The following ZCCHC24 variants were observed in gnomAD, a reference collection of about 807,000 sequenced individuals.
ZCCHC24 encodes zinc finger CCHC domain-containing protein 24.
Under a neutral mutation model 26.2 loss-of-function variants are expected in ZCCHC24, and 10 were observed. That is an observed-to-expected ratio of 0.38 (90% confidence interval 0.24 to 0.65). ZCCHC24 has a LOEUF of 0.65. Ranked by LOEUF, ZCCHC24 falls within the 30% of genes least tolerant of loss-of-function variation. The pLI is 0.54. For synonymous variants in ZCCHC24, 144 were observed against 147.1 expected (o/e 0.98, Z 0.15); for missense variants, 243 against 329.1 (o/e 0.74, Z 2.03).
At chr10:79,413,126 G>A (rs780974925) in intron 2 of ZCCHC24, among the ~76,000 whole-genome samples, 17 of 152,248 alleles carry the variant, frequency 1.1e-4, no homozygotes, top group Non-Finnish European at 2.2e-4. Flanking sequence ...TGGGTTCAGT[G>A]CTGAGGGGAC....
At chr10:79,417,129 G>C (rs558280076) in intron 2 of ZCCHC24, among the ~76,000 whole-genome samples, 1 of 152,298 alleles carries the variant, frequency 6.6e-6, no homozygotes, top group African/African-American at 2.4e-5. Flanking sequence ...AAAATACTAA[G>C]CCGTTTGTGC....
At chr10:79,395,852 T>TATC (rs1856539623) in intron 2 of ZCCHC24, among the ~76,000 whole-genome samples, 1 of 152,252 alleles carries the variant, frequency 6.6e-6, no homozygotes, top group Admixed American at 6.5e-5. Flanking sequence ...ATAATTCATG[T>TATC]ATCTTACAGT....
chr10:79,398,230 T>C (rs1354277205), intron 2 of ZCCHC24, among the ~76,000 whole-genome samples: 1 of 152,200 alleles, frequency 6.6e-6, no homozygotes. Context: ...CAGGGCCAGA[T>C]GCCTGCAATG....
chr10:79,444,062 T>A, intron 1 of ZCCHC24: 1 of 1,526,934 alleles, frequency 6.5e-7, no homozygotes, highest in Non-Finnish European at 8.8e-7. Context: ...TAGGCTTTCC[T>A]CCCCAACCCA....
At chr10:79,390,166 C>G (rs1856459782) in intron 3 of ZCCHC24, among the ~76,000 whole-genome samples, 1 of 152,192 alleles carries the variant, frequency 6.6e-6, no homozygotes, top group Non-Finnish European at 1.5e-5. Context: ...CCACTGTGCC[C>G]AGCTGCGATG....
At chr10:79,419,394 C>G (rs897495432) in intron 2 of ZCCHC24, among the ~76,000 whole-genome samples, 1 of 152,224 alleles carries the variant, frequency 6.6e-6, no homozygotes, top group African/African-American at 2.4e-5. Flanking sequence ...GCGAAGGACA[C>G]ACAGCTGGGA....
rs1856347250 is a variant in ZCCHC24, at chr10:79,383,339, C to A, written c.*3006G>T. On this transcript the variant is annotated 3_prime_UTR_variant, in exon 4 of 4. Coordinates refer to ENST00000372336, the MANE Select transcript of ZCCHC24 (RefSeq NM_153367.4). ...CCTCATCAGAATTATGTACCAACTT[C>A]ATATAATATTCTATGTAGACAATAT... 1 of 152,664 alleles carries A rather than the reference C, an allele frequency of 6.6e-6. No homozygotes were observed. Among genetic ancestry groups the A allele is most frequent in the Non-Finnish European group, 1.5e-5 (1 of 68,032 alleles). 9.5% of individuals were successfully genotyped at this position (152,664 alleles called of 1,614,324 possible). A position where few individuals can be genotyped will look rare whatever the true frequency, so the allele number is the denominator to read the frequency against.
Position 79,392,164 on chromosome 10 carries a change from G to T in ZCCHC24, c.612+2112C>A, listed in dbSNP as rs78789568. 2.6e-5 allele frequency among the ~76,000 whole-genome samples: 4 copies of T among 151,868 alleles called. No homozygotes were observed. The South Asian group carries it at 8.3e-4, about 32-fold the overall frequency. On this transcript the variant is annotated intron_variant, in intron 3 of 3. Coordinates refer to ENST00000372336, the MANE Select transcript of ZCCHC24 (RefSeq NM_153367.4). ...CAACCATCTGCCCTCTGGAGTGCTC[G>T]CCCAGCCAACCTTTGCCCCGTGGAC... is the stretch of plus-strand genomic sequence containing the variant.
At chr10:79,387,612 G>A (rs1011223097) in intron 3 of ZCCHC24, among the ~76,000 whole-genome samples, 1 of 131,970 alleles carries the variant, frequency 7.6e-6, no homozygotes. Context: ...GGGCCAGCCT[G>A]GGGCCACATG....
intron 1 of ZCCHC24, among the ~76,000 whole-genome samples, chr10:79,439,485 G>T (rs556237849): frequency 3.7e-4 from 56 of 152,268 alleles, no homozygotes; most frequent in African/African-American, 1.3e-3. Flanking sequence ...TAACTAAGCA[G>T]CTAGCATGTC....
intron 1 of ZCCHC24, among the ~76,000 whole-genome samples, chr10:79,437,530 C>T (rs193005169): frequency 3.3e-5 from 5 of 152,334 alleles, no homozygotes; most frequent in East Asian, 3.9e-4. Context: ...GCAGCCAGCA[C>T]GTGTTGCCCT....
intron 2 of ZCCHC24, among the ~76,000 whole-genome samples, chr10:79,430,686 C>CCACACA (rs71030975): frequency 3.2e-4 from 45 of 140,700 alleles, no homozygotes; most frequent in African/African-American, 7.7e-4. Context: ...CACACACACA[C>CCACACA]CACACACACA....
intron 1 of ZCCHC24, among the ~76,000 whole-genome samples, chr10:79,443,027 G>T (rs976091933): frequency 4.7e-4 from 71 of 152,254 alleles, no homozygotes; most frequent in African/African-American, 1.7e-3. Context: ...TGTTTGAACA[G>T]GTCTCAAATA....
chr10:79,437,222 T>G (rs1025542470), intron 1 of ZCCHC24, among the ~76,000 whole-genome samples: 29 of 151,774 alleles, frequency 1.9e-4, no homozygotes, highest in Admixed American at 1.6e-3. Context: ...TGATTTTTTG[T>G]ATTTATTATT....
chr10:79,428,498 C>T (rs1857077482), intron 2 of ZCCHC24, among the ~76,000 whole-genome samples: 1 of 100,430 alleles, frequency 1.0e-5, no homozygotes, highest in Non-Finnish European at 2.1e-5. Flanking sequence ...ATAAAAAGAG[C>T]TCTGTGGCTG....
chr10:79,427,736 A>G (rs1857053485), intron 2 of ZCCHC24, among the ~76,000 whole-genome samples: 1 of 152,194 alleles, frequency 6.6e-6, no homozygotes, highest in South Asian at 2.1e-4. Flanking sequence ...AGAAGGGGCC[A>G]GACACAATGG....
In ZCCHC24 at chr10:79,432,678, G is replaced by C. The variant is rs202062885; in HGVS notation, c.327C>G (p.Thr109=). The C allele has an allele frequency of 6.2e-7, 1 of 1,609,178 alleles. No individual in the cohort carries two copies. The highest frequency in any genetic ancestry group is 1.1e-5 in the South Asian group (1 of 90,484). Residue 109 remains threonine, a synonymous_variant, in exon 2 of 4, where the codon ACC becomes ACG. Coordinates refer to ENST00000372336, the MANE Select transcript of ZCCHC24 (RefSeq NM_153367.4). Reference sequence around the variant, plus strand: ...TGAGGGTCAGGTCTGAGAAGTGCTCGGTGAGGGAGCTGAGGCCATCGGCGA... The same window carrying C: ...TGAGGGTCAGGTCTGAGAAGTGCTCCGTGAGGGAGCTGAGGCCATCGGCGA... ...NNIADGLSSL[T]EHFSDLTLTS...
rs78783506 is a variant in ZCCHC24, at chr10:79,432,506, C to T, written c.447+52G>A. The stretch of plus-strand genomic sequence containing the variant: ...CCTGCCCTACCCACAGGAGCCTGTC[C>T]GCAGGTCAGTAGGGGAGCCCAAGAG... On this transcript the variant is annotated intron_variant, in intron 2 of 3. Coordinates refer to ENST00000372336, the MANE Select transcript of ZCCHC24 (RefSeq NM_153367.4). 5.5e-3 allele frequency: 8,542 copies of T among 1,562,928 alleles called. 377 individuals are homozygous for T. The African/African-American group carries it at 0.1, about 19-fold the overall frequency.
At chr10:79,389,529 AGTGTGT>A (rs5786399) in intron 3 of ZCCHC24, among the ~76,000 whole-genome samples, 2,887 of 146,306 alleles carry the variant, frequency 0.02, 56 homozygotes, top group African/African-American at 0.045. Flanking sequence ...ACTTTTTCCT[AGTGTGT>A]GTGTGTGTGT....
Sources: gnomAD v4.1 joint callset for allele counts (sites outside exome capture counted in the v4.1 genomes callset) on GRCh38, gnomAD v4.1.1 for gene constraint, MANE v1.5 for transcripts, NCBI Gene and HGNC (gene_info 2026-07-23, HGNC 2026-07-21) for gene names.